Variants in EVL observed in about 807,000 individuals in gnomAD.
EVL encodes the protein ena/VASP-like protein.
A neutral mutation model predicts 59.6 loss-of-function variants in EVL; 21 were observed. The observed-to-expected ratio is 0.35, with a 90% CI of 0.25 to 0.51. EVL has a LOEUF of 0.51. EVL is among the 20% of genes least tolerant of loss of function. EVL has a pLI of 0.97. For synonymous variants in EVL, 198 were observed against 203.5 expected (o/e 0.97, Z 0.23); for missense variants, 462 against 546.6 (o/e 0.85, Z 1.54).
chr14:99,977,059 G>C (rs2060775293), intron 1 of EVL: 1 of 152,174 alleles, frequency 6.6e-6, no homozygotes, highest in African/African-American at 2.4e-5. Flanking sequence ...AACAGTTTGA[G>C]TCAATATTCA....
intron 3 of EVL, among the ~76,000 whole-genome samples, chr14:100,100,019 A>C (rs956182904): frequency 7.2e-5 from 11 of 151,930 alleles, no homozygotes; most frequent in African/African-American, 2.7e-4. Flanking sequence ...AAAAAAAAAA[A>C]AACACTTTCA....
At chr14:100,039,494 C>A (rs1344361843) in intron 1 of EVL, among the ~76,000 whole-genome samples, 4 of 152,206 alleles carry the variant, frequency 2.6e-5, no homozygotes, top group African/African-American at 9.7e-5. Context: ...ACCTCAGCCT[C>A]CCAAAGTGCT....
rs867465383 is a variant in EVL, at chr14:100,057,418, T to A, written c.6-27269T>A. ...TTTCTTTATTTGGCCATTCACACTT[T>A]CTTTCCAGATGCTGTAACTCTGGAA... is the stretch of plus-strand genomic sequence containing the variant. On this transcript the variant is annotated intron_variant, in intron 1 of 13. Transcript: ENST00000402714. Among the ~76,000 whole-genome samples, 154 of 152,340 alleles carry A rather than the reference T, an allele frequency of 1.0e-3. 1 individual carries two copies. The highest frequency in any genetic ancestry group is 3.4e-3 in the Middle Eastern group (1 of 294).
chr14:100,094,598 A>G (rs59621505), intron 2 of EVL, among the ~76,000 whole-genome samples: 21,585 of 151,136 alleles, frequency 0.14, 3,016 homozygotes, highest in African/African-American at 0.36. Context: ...AAAAAATTGG[A>G]TGGGGCATGG....
intron 1 of EVL, among the ~76,000 whole-genome samples, chr14:100,055,402 G>A (rs1204682494): frequency 2.6e-5 from 4 of 152,098 alleles, no homozygotes; most frequent in Admixed American, 6.5e-5. Flanking sequence ...GCTCCCACTT[G>A]CCATACCCTG....
Position 100,065,461 on chromosome 14 carries a change from C to A in EVL, c.-40C>A. On this transcript the variant is annotated 5_prime_UTR_variant, in exon 1 of 14. Coordinates refer to ENST00000392920, the MANE Select transcript of EVL (RefSeq NM_016337.3). ...AACATAGGCTGGTGGGAGTACAGGA[C>A]TCGCCTCCTCAGGGTTCCCTGTGCT... is the stretch of plus-strand genomic sequence containing the variant. 2 of 1,454,240 alleles carry A rather than the reference C, an allele frequency of 1.4e-6. No individual in the cohort carries two copies. The highest frequency in any genetic ancestry group is 1.8e-6 in the Non-Finnish European group (2 of 1,087,492). 90.1% of individuals were successfully genotyped at this position (1,454,240 alleles called of 1,614,324 possible). A position where few individuals can be genotyped will look rare whatever the true frequency, so the allele number is the denominator to read the frequency against.
intron 9 of EVL, among the ~76,000 whole-genome samples, chr14:100,136,195 C>G (rs1298681913): frequency 6.6e-6 from 1 of 152,250 alleles, no homozygotes; most frequent in Non-Finnish European, 1.5e-5. Context: ...CCCAGGGTGA[C>G]CTGCGTGTCA....
At chr14:99,985,721 T>A (rs2060835748) in intron 1 of EVL, among the ~76,000 whole-genome samples, 1 of 151,264 alleles carries the variant, frequency 6.6e-6, no homozygotes, top group Admixed American at 6.6e-5. Context: ...GAGCCAAGAT[T>A]GCGCCATTGC....
At chr14:99,995,089 T>G (rs536971436) in intron 1 of EVL, among the ~76,000 whole-genome samples, 2 of 152,364 alleles carry the variant, frequency 1.3e-5, no homozygotes, top group South Asian at 4.1e-4. Context: ...TCTTTTTGTC[T>G]GTGACTTTTG....
At chr14:100,143,316 C>T (rs1022468753) in intron 13 of EVL, among the ~76,000 whole-genome samples, 5 of 152,018 alleles carry the variant, frequency 3.3e-5, no homozygotes, top group African/African-American at 9.7e-5. Flanking sequence ...GAAGGGCTCC[C>T]GGGCCCCCGG....
At chr14:100,028,126 G>GTTTTT (rs2061246325) in intron 1 of EVL, among the ~76,000 whole-genome samples, 1 of 105,674 alleles carries the variant, frequency 9.5e-6, no homozygotes, top group Admixed American at 8.7e-5. Context: ...TTGTTTTTTT[G>GTTTTT]TTTGTTTGTT....
chr14:100,073,963 G>A (rs1412097359), intron 1 of EVL, among the ~76,000 whole-genome samples: 1 of 145,414 alleles, frequency 6.9e-6, no homozygotes, highest in Non-Finnish European at 1.5e-5. Flanking sequence ...CCGAGGGTGT[G>A]CATTAGCATT....
chr14:99,984,454 T>C (rs749023335), intron 1 of EVL, among the ~76,000 whole-genome samples: 1 of 152,212 alleles, frequency 6.6e-6, no homozygotes, highest in Admixed American at 6.5e-5. Context: ...TGAATGCTTT[T>C]CTTTCTTTTT....
At chr14:100,118,978 T>G (rs182626708) in intron 3 of EVL, among the ~76,000 whole-genome samples, 1 of 152,228 alleles carries the variant, frequency 6.6e-6, no homozygotes, top group Non-Finnish European at 1.5e-5. Context: ...GACTTGAGCC[T>G]TGGCTGGGTC....
chr14:100,033,052 G>C (rs994007449), intron 1 of EVL, among the ~76,000 whole-genome samples: 1 of 152,100 alleles, frequency 6.6e-6, no homozygotes, highest in African/African-American at 2.4e-5. Flanking sequence ...AAGCATGAAG[G>C]CTTTTGGGGA....
intron 1 of EVL, among the ~76,000 whole-genome samples, chr14:100,049,036 T>C (rs2061603460): frequency 6.6e-6 from 1 of 152,130 alleles, no homozygotes; most frequent in Non-Finnish European, 1.5e-5. Context: ...CCAATCTATG[T>C]AGGTGTTACA....
At chr14:100,031,404 A>T (rs1377450905) in intron 1 of EVL, among the ~76,000 whole-genome samples, 1 of 152,190 alleles carries the variant, frequency 6.6e-6, no homozygotes, top group East Asian at 1.9e-4. Flanking sequence ...ATAAAATAGG[A>T]ATAATATTTT....
chr14:100,141,779 A>G lies in EVL; in HGVS notation c.1205A>G (p.Glu402Gly). 6.2e-7 allele frequency: 1 copy of G among 1,613,360 alleles called. No individual in the cohort carries two copies. The highest frequency in any genetic ancestry group is 1.3e-5 in the African/African-American group (1 of 75,072). Reference sequence around the variant, plus strand: ...GTGAGAGAGCTCCACAAGGTGAAGGAGGAGATCATCGACGGTGAGTGCAGC... The same window carrying G: ...GTGAGAGAGCTCCACAAGGTGAAGGGGGAGATCATCGACGGTGAGTGCAGC... ...EVVRELHKVK[E>G]EIIDAIRQEL... Residue 402 changes from glutamate (E) to glycine (G), a missense_variant, in exon 13 of 14, where the codon GAG becomes GGG. Glu to Gly is a moderately conservative substitution (Grantham distance 98). Coordinates refer to ENST00000392920, the MANE Select transcript of EVL (RefSeq NM_016337.3).
At chr14:100,137,703 C>T (rs199576640) in intron 10 of EVL, 37 bp from the exon 11 acceptor site, 147 of 1,613,850 alleles carry the variant, frequency 9.1e-5, no homozygotes, top group African/African-American at 3.9e-4. Flanking sequence ...CGGGCGCTGG[C>T]GCCGATTCAC....
Sources: allele counts gnomAD v4.1 joint callset (sites outside exome capture counted in the v4.1 genomes callset), GRCh38; gene constraint gnomAD v4.1.1; transcripts MANE v1.5; gene names NCBI Gene and HGNC (gene_info 2026-07-23, HGNC 2026-07-21).